Variants in SORCS3 observed in about 807,000 individuals in gnomAD.
SORCS3 encodes the protein sortilin related VPS10 domain containing receptor 3, also known as VPS10 domain-containing receptor SorCS3.
In SORCS3, 57 loss-of-function variants were observed where a neutral mutation model predicts 146.3. That is an observed-to-expected ratio of 0.39 (90% confidence interval 0.31 to 0.49). The LOEUF (loss-of-function observed/expected upper bound fraction) is 0.49, where lower values mean the gene tolerates loss of function less well. Among genes scored for constraint, SORCS3 ranks in the 20% least tolerant of loss-of-function variants. The pLI, the probability that SORCS3 is intolerant of heterozygous loss-of-function variation, is 0.92. For missense variants in SORCS3, 1,341 were observed against 1,575.5 expected (o/e 0.85, Z 2.52); for synonymous variants, 653 against 618.5 (o/e 1.06, Z -0.83).
chr10:104,993,583 T>G (rs2055007092), intron 4 of SORCS3, among the ~76,000 whole-genome samples: 1 of 151,984 alleles, frequency 6.6e-6, no homozygotes, highest in Admixed American at 6.5e-5. Flanking sequence ...TTTTCATAAT[T>G]GAAATGCTGA....
chr10:104,814,320 C>A (rs1441598190), intron 1 of SORCS3, among the ~76,000 whole-genome samples: 1 of 152,160 alleles, frequency 6.6e-6, no homozygotes, highest in Non-Finnish European at 1.5e-5. Context: ...ACTCCAAAGG[C>A]ACATGCCATG....
At chr10:104,760,574 G>A (rs1284223846) in intron 1 of SORCS3, among the ~76,000 whole-genome samples, 5 of 152,136 alleles carry the variant, frequency 3.3e-5, no homozygotes, top group Non-Finnish European at 7.3e-5. Flanking sequence ...TACTATTATA[G>A]TACTTTCTTT....
chr10:105,121,107 C>G (rs569875771), intron 7 of SORCS3, among the ~76,000 whole-genome samples: 3 of 152,302 alleles, frequency 2.0e-5, no homozygotes, highest in Non-Finnish European at 4.4e-5. Context: ...GCTATACACT[C>G]TCAATCTCTT....
chr10:104,974,856 G>A (rs979391416), intron 3 of SORCS3, among the ~76,000 whole-genome samples: 1 of 152,074 alleles, frequency 6.6e-6, no homozygotes, highest in African/African-American at 2.4e-5. Flanking sequence ...TCCATGTTTA[G>A]TGCTTCCTTC....
intron 7 of SORCS3, among the ~76,000 whole-genome samples, chr10:105,135,278 T>G (rs1035084414): frequency 6.6e-6 from 1 of 152,084 alleles, no homozygotes; most frequent in Non-Finnish European, 1.5e-5. Flanking sequence ...GATCAGAGAC[T>G]TGAGGTAGTA....
chr10:105,086,029 A>G (rs887467645), intron 5 of SORCS3, among the ~76,000 whole-genome samples: 1 of 151,792 alleles, frequency 6.6e-6, no homozygotes, highest in Non-Finnish European at 1.5e-5. Context: ...CATCGTTTTT[A>G]TAGACCTGAT....
At chr10:104,883,005 A>G (rs1360688671) in intron 2 of SORCS3, among the ~76,000 whole-genome samples, 3 of 152,196 alleles carry the variant, frequency 2.0e-5, no homozygotes, top group Non-Finnish European at 2.9e-5. Flanking sequence ...AAGGACACAC[A>G]TTTTAAGGTT....
At chr10:104,989,922 A>G (rs1038754094) in intron 4 of SORCS3, among the ~76,000 whole-genome samples, 4 of 152,236 alleles carry the variant, frequency 2.6e-5, no homozygotes, top group Admixed American at 6.5e-5. Flanking sequence ...ACCCACTTCA[A>G]CAAGGAGGCA....
At chr10:105,262,518 C>T (rs2056968160) in intron 26 of SORCS3, 27 bp downstream of exon 26, 15 of 1,604,464 alleles carry the variant, frequency 9.3e-6, no homozygotes, top group Non-Finnish European at 1.3e-5. Flanking sequence ...CACTAAGCTC[C>T]CCTGTTCTGT....
intron 8 of SORCS3, among the ~76,000 whole-genome samples, chr10:105,144,006 A>G (rs1377007): frequency 0.51 from 77,179 of 151,962 alleles, 19,902 homozygotes; most frequent in Admixed American, 0.55. Context: ...TAATTTGATC[A>G]TGCAAGGATC....
chr10:105,089,831 C>T lies in SORCS3; in HGVS notation c.1085C>T (p.Thr362Met), dbSNP rs185457886. The T allele has an allele frequency of 2.6e-5, 42 of 1,613,808 alleles. No homozygotes were observed. The East Asian group carries it at 6.2e-4, about 24-fold the overall frequency. ...ADLVHMEVRT[T>M]DGYAHYLTCR... is the part of the protein sequence containing the mutation. ...CTGGTGCACATGGAGGTGCGGACCACGGATGGATGTGAGTTCTGCTACAGC... is the reference window on the plus strand; with the variant it reads ...CTGGTGCACATGGAGGTGCGGACCATGGATGGATGTGAGTTCTGCTACAGC... The change falls in exon 6 of 27, where the codon ACG becomes ATG. Residue 362 changes from threonine (T) to methionine (M), a missense_variant. Physicochemically the swap from Thr to Met is moderately conservative, Grantham distance 81. Coordinates refer to ENST00000369701, the MANE Select transcript of SORCS3 (RefSeq NM_014978.3).
At chr10:104,653,866 A>T (rs958783593) in intron 1 of SORCS3, among the ~76,000 whole-genome samples, 1 of 152,126 alleles carries the variant, frequency 6.6e-6, no homozygotes, top group African/African-American at 2.4e-5. Flanking sequence ...TATTGACTCT[A>T]GTCACCCTTT....
chr10:104,819,759 C>A (rs1245476585), intron 1 of SORCS3, among the ~76,000 whole-genome samples: 1 of 152,148 alleles, frequency 6.6e-6, no homozygotes, highest in Admixed American at 6.5e-5. Flanking sequence ...TAAGCCTTGC[C>A]AGGTGCATGG....
chr10:104,908,341 A>G (rs2018930442), intron 2 of SORCS3, among the ~76,000 whole-genome samples: 1 of 152,224 alleles, frequency 6.6e-6, no homozygotes, highest in Non-Finnish European at 1.5e-5. Context: ...TATTAAGTGT[A>G]AGTAGTGCAA....
At chr10:105,228,739 TAA>T (rs1230139080) in intron 20 of SORCS3, among the ~76,000 whole-genome samples, 1 of 152,178 alleles carries the variant, frequency 6.6e-6, no homozygotes, top group Non-Finnish European at 1.5e-5. Flanking sequence ...GGCTCATTTA[TAA>T]GTCACTAGAT....
chr10:104,917,723 C>T (rs138010982), intron 3 of SORCS3, among the ~76,000 whole-genome samples: 233 of 152,238 alleles, frequency 1.5e-3, no homozygotes, highest in Middle Eastern at 6.8e-3. Context: ...TCCACATATG[C>T]GTGAGATCAA....
intron 22 of SORCS3, among the ~76,000 whole-genome samples, chr10:105,251,715 C>T (rs139420884): frequency 2.1e-4 from 32 of 152,198 alleles, no homozygotes; most frequent in Admixed American, 8.5e-4. Context: ...TTACCCTTCA[C>T]GGGGGAGAAC....
chr10:105,114,047 T>C (rs2055876576), intron 7 of SORCS3, among the ~76,000 whole-genome samples: 1 of 152,182 alleles, frequency 6.6e-6, no homozygotes, highest in Non-Finnish European at 1.5e-5. Flanking sequence ...TTAGCAGCAG[T>C]TGCAATAAAA....
chr10:105,070,842 C>T (rs898491764), intron 5 of SORCS3, among the ~76,000 whole-genome samples: 1 of 152,216 alleles, frequency 6.6e-6, no homozygotes, highest in Non-Finnish European at 1.5e-5. Context: ...AATTCATTCT[C>T]AGCAAGTGAA....
Sources: allele counts gnomAD v4.1 joint callset (sites outside exome capture counted in the v4.1 genomes callset), GRCh38; gene constraint gnomAD v4.1.1; transcripts MANE v1.5; gene names NCBI Gene and HGNC (gene_info 2026-07-23, HGNC 2026-07-21).